Variants in PSMD5 observed in about 807,000 individuals in gnomAD.
PSMD5 encodes 26S proteasome non-ATPase regulatory subunit 5.
Under a neutral mutation model 52.1 loss-of-function variants are expected in PSMD5, and 40 were observed. The ratio of observed to expected loss-of-function variants is 0.77; its 90% CI spans 0.60 to 1.00. The LOEUF (loss-of-function observed/expected upper bound fraction) is 1.00, where lower values mean the gene tolerates loss of function less well. Among genes scored for constraint, PSMD5 ranks in the 50% least tolerant of loss-of-function variants. The probability of loss-of-function intolerance (pLI) is 0.00; values close to 1 mark genes in which losing one functional copy is unlikely to be tolerated. For synonymous variants in PSMD5, 211 were observed against 226.6 expected, an observed-to-expected ratio of 0.93 and a Z score of 0.62; for missense variants, 575 against 605.2, an observed-to-expected ratio of 0.95 and a Z score of 0.52.
In PSMD5 at chr9:120,816,228, T is replaced by A. The variant is rs573987641; in HGVS notation, c.*1678A>T. ...GCCAGAGGCTGGGGAAAAGAGGGAATAGACAGTTATTGTTTAATGAATACA... is the reference window on the plus strand; with the variant it reads ...GCCAGAGGCTGGGGAAAAGAGGGAAAAGACAGTTATTGTTTAATGAATACA... On this transcript the variant is annotated 3_prime_UTR_variant, in exon 10 of 10. Coordinates refer to ENST00000210313, the MANE Select transcript of PSMD5 (RefSeq NM_005047.4). The A allele has an allele frequency of 6.6e-6, 1 of 152,490 alleles. No individual in the cohort carries two copies. Among genetic ancestry groups the A allele is most frequent in the African/African-American group, 2.4e-5 (1 of 41,570 alleles). 9.4% of individuals were successfully genotyped at this position (152,490 alleles called of 1,614,324 possible).
chr9:120,817,844 G>A lies in PSMD5; in HGVS notation c.*62C>T. 1.3e-6 allele frequency: 2 copies of A among 1,503,576 alleles called. No homozygotes were observed. The highest frequency in any genetic ancestry group is 1.8e-6 in the Non-Finnish European group (2 of 1,110,214). The allele number at this position is 1,503,576 out of a possible 1,614,324, so 93.1% of individuals were successfully genotyped here. On this transcript the variant is annotated 3_prime_UTR_variant, in exon 10 of 10. Coordinates refer to ENST00000210313, the MANE Select transcript of PSMD5 (RefSeq NM_005047.4). ...GTCTCTTTTGTGAAATATAGATGGA[G>A]TCAAATGCCTTAGGAGAAGTTTTGG...
intron 9 of PSMD5, among the ~76,000 whole-genome samples, chr9:120,819,922 T>A (rs149586301): frequency 3.0e-4 from 46 of 152,270 alleles, no homozygotes; most frequent in African/African-American, 9.6e-4. Context: ...AAGCCTTCCC[T>A]CTTTTGTCCC....
At chr9:120,831,310 A>G in intron 4 of PSMD5, 21 bp downstream of exon 4, 1 of 1,565,370 alleles carries the variant, frequency 6.4e-7, no homozygotes, top group Non-Finnish European at 8.6e-7. Flanking sequence ...TAAGCATGAG[A>G]AAGTGTGCTT....
chr9:120,826,803 C>A lies in PSMD5; in HGVS notation c.776G>T (p.Gly259Val). 6.2e-7 allele frequency: 1 copy of A among 1,613,852 alleles called. No individual in the cohort carries two copies. The highest frequency in any genetic ancestry group is 8.5e-7 in the Non-Finnish European group (1 of 1,179,798). The change falls in exon 6 of 10, where the codon GGG (glycine) becomes GTG (valine). Residue 259 changes from glycine to valine, a missense_variant. Gly to Val is a moderately radical substitution (Grantham distance 109). Coordinates refer to ENST00000210313, the MANE Select transcript of PSMD5 (RefSeq NM_005047.4). ...VIDQISNIIVGADSDPFSSFY... is the reference protein window; with the variant it reads ...VIDQISNIIVVADSDPFSSFY... The stretch of plus-strand genomic sequence containing the variant: ...GCTAGAGAAAGGGTCTGAATCTGCC[C>A]CAACAATTATATTAGAAATTTGGTC...
rs1482531803 is a variant in PSMD5 at position 120,838,453 on chromosome 9, C to T, written c.173+4284G>A. ...AGGACTTAAACTCTCTCAAAAAAAA[C>T]TGTCAAGATTCTAACTTACATCTGC... On this transcript the variant is annotated intron_variant, in intron 1 of 9. Coordinates refer to ENST00000210313, the MANE Select transcript of PSMD5 (RefSeq NM_005047.4). 1.1e-4 allele frequency among the ~76,000 whole-genome samples: 16 copies of T among 152,264 alleles called. No individual in the cohort carries two copies. The South Asian group carries it at 2.9e-3, about 28-fold the overall frequency.
chr9:120,833,713 C>T (rs183025852), intron 1 of PSMD5, among the ~76,000 whole-genome samples: 1,361 of 112,476 alleles, frequency 0.012, 15 homozygotes, highest in Non-Finnish European at 0.018. Context: ...GAGTTTTGCT[C>T]TGTCGCCCAG....
intron 3 of PSMD5, 85 bp downstream of exon 3, chr9:120,831,747 C>T: frequency 1.3e-6 from 2 of 1,522,786 alleles, no homozygotes; most frequent in East Asian, 4.5e-5. Flanking sequence ...TCTAAACCTT[C>T]ACCTCTCAAT....
At chr9:120,834,916 C>T (rs1379270581) in intron 1 of PSMD5, among the ~76,000 whole-genome samples, 1 of 152,154 alleles carries the variant, frequency 6.6e-6, no homozygotes, top group African/African-American at 2.4e-5. Flanking sequence ...CTGATGACTA[C>T]CAGTGGTAGA....
At chr9:120,821,019 G>A in intron 8 of PSMD5, 40 bp from the exon 9 acceptor site, 3 of 1,538,016 alleles carry the variant, frequency 2.0e-6, no homozygotes, top group African/African-American at 1.4e-5. Flanking sequence ...AAAGTTAACT[G>A]ATCTGGAGAA....
chr9:120,828,475 A>C (rs1588069184), intron 5 of PSMD5, among the ~76,000 whole-genome samples: 2 of 110,978 alleles, frequency 1.8e-5, no homozygotes, highest in African/African-American at 7.1e-5. Flanking sequence ...ACAGAGTCTT[A>C]CTCTGTTGCC....
At chr9:120,831,744 C>A in intron 3 of PSMD5, 88 bp downstream of exon 3, 3 of 1,511,138 alleles carry the variant, frequency 2.0e-6, no homozygotes, top group East Asian at 2.3e-5. Context: ...CATTCTAAAC[C>A]TTCACCTCTC....
intron 1 of PSMD5, among the ~76,000 whole-genome samples, chr9:120,838,298 A>G (rs1297295357): frequency 6.6e-6 from 1 of 152,256 alleles, no homozygotes. Flanking sequence ...GTTTAAAAAA[A>G]AGTAGTGGTA....
At chr9:120,824,797 G>C (rs1197243848) in intron 6 of PSMD5, 112 bp from the exon 7 acceptor site, 5 of 882,348 alleles carry the variant, frequency 5.7e-6, no homozygotes, top group Non-Finnish European at 8.5e-6. Context: ...AGCATAGAAA[G>C]GTTAGAGTAG....
At chr9:120,831,674 T>A in intron 3 of PSMD5, 158 bp downstream of exon 3, 1 of 1,225,562 alleles carries the variant, frequency 8.2e-7, no homozygotes, top group South Asian at 1.6e-5. Flanking sequence ...AGTATTTACT[T>A]GACAACCATT....
chr9:120,823,064 GC>G (rs1260248298), intron 7 of PSMD5, among the ~76,000 whole-genome samples: 6 of 151,798 alleles, frequency 4.0e-5, no homozygotes, highest in African/African-American at 1.5e-4. Context: ...TCCCGCCTTG[GC>G]CTCCTGAAGT....
intron 7 of PSMD5, among the ~76,000 whole-genome samples, chr9:120,823,773 A>G (rs1223207874): frequency 6.6e-6 from 1 of 152,008 alleles, no homozygotes; most frequent in Non-Finnish European, 1.5e-5. Context: ...TTAGCCTCCC[A>G]AAGTGCTGGA....
At position 120,833,410 on chromosome 9, in the gene PSMD5, C is replaced by T; in HGVS notation, c.220G>A (p.Ala74Thr). Residue 74 changes from alanine to threonine, a missense_variant, in exon 2 of 10, where the codon GCT becomes ACT. Coordinates refer to ENST00000210313, the MANE Select transcript of PSMD5 (RefSeq NM_005047.4). ...CGGGCCACGTGAACCGGTTCCATAG[C>T]TTGGAGCAATCTCTCCAGAATGGAT... ...CVSILERLLQAMEPVHVARNL... is the reference protein window; with the variant it reads ...CVSILERLLQTMEPVHVARNL... 1 of 1,614,060 alleles carries T rather than the reference C, an allele frequency of 6.2e-7. No individual in the cohort carries two copies. The highest frequency in any genetic ancestry group is 8.5e-7 in the Non-Finnish European group (1 of 1,179,934).
At chr9:120,823,006 T>C (rs887734902) in intron 7 of PSMD5, among the ~76,000 whole-genome samples, 18 of 151,152 alleles carry the variant, frequency 1.2e-4, no homozygotes, top group African/African-American at 4.4e-4. Flanking sequence ...TTTTTTTTGT[T>C]GTTGTTGTTG....
At position 120,817,715 on chromosome 9, in the gene PSMD5, G is replaced by T; in HGVS notation, c.*191C>A. The T allele has an allele frequency of 1.6e-6, 1 of 629,774 alleles. No individual in the cohort carries two copies. The highest frequency in any genetic ancestry group is 2.7e-6 in the Non-Finnish European group (1 of 374,754). The allele number at this position is 629,774 out of a possible 1,614,324, so 39.0% of individuals were successfully genotyped here. ...ATGACCAAGCTTGTCTGCTCTTAAT[G>T]CATTCCAAACTCCTAGTTCCACTTT... is the stretch of plus-strand genomic sequence containing the variant. On this transcript the variant is annotated 3_prime_UTR_variant, in exon 10 of 10. Transcript: ENST00000210313.
Sources: gnomAD v4.1 joint callset for allele counts (sites outside exome capture counted in the v4.1 genomes callset) on GRCh38, gnomAD v4.1.1 for gene constraint, MANE v1.5 for transcripts, NCBI Gene and HGNC (gene_info 2026-07-23, HGNC 2026-07-21) for gene names.